ABCC8: variants seen among roughly 807,000 people sequenced by gnomAD.
ABCC8 encodes the protein ATP-binding cassette sub-family C member 8.
Under a neutral mutation model 188.0 loss-of-function variants are expected in ABCC8, and 137 were observed. The observed-to-expected ratio is 0.73, with a 90% CI of 0.63 to 0.84. The LOEUF (loss-of-function observed/expected upper bound fraction) is 0.84, where lower values mean the gene tolerates loss of function less well. ABCC8 is among the 40% of genes least tolerant of loss of function. ABCC8 has a pLI of 0.00. For missense variants in ABCC8, 1,750 were observed against 2,072.7 expected, an observed-to-expected ratio of 0.84 and a Z score of 3.02; for synonymous variants, 797 against 846.5, an observed-to-expected ratio of 0.94 and a Z score of 1.01.
intron 8 of ABCC8, among the ~76,000 whole-genome samples, chr11:17,445,700 A>G (rs1591839303): frequency 1.3e-5 from 2 of 152,318 alleles, no homozygotes; most frequent in African/African-American, 4.8e-5. Context: ...GGTCAAATCT[A>G]TAAGTGGTAA....
intron 1 of ABCC8, among the ~76,000 whole-genome samples, chr11:17,475,941 C>T (rs965612514): frequency 3.3e-5 from 5 of 152,200 alleles, no homozygotes; most frequent in Admixed American, 1.3e-4. Flanking sequence ...GGCCGTGGCG[C>T]CCAACTTTGC....
chr11:17,397,543 T>C (rs1954004123), intron 31 of ABCC8, 141 bp downstream of exon 31: 2 of 1,429,554 alleles, frequency 1.4e-6, no homozygotes, highest in Non-Finnish European at 1.9e-6. Flanking sequence ...TGGTCAGCCT[T>C]CCTGCCCGCA....
Position 17,475,143 on chromosome 11 carries a change from A to G in ABCC8, c.149-116T>C, listed in dbSNP as rs1422238721. Reference sequence around the variant, plus strand: ...TCCATGGTGAGGGTGACACCTACACATGAGGATCCCCAAGGCTGGTACACA... The same window carrying G: ...TCCATGGTGAGGGTGACACCTACACGTGAGGATCCCCAAGGCTGGTACACA... On this transcript the variant is annotated intron_variant, in intron 1 of 38. Transcript: ENST00000389817. The G allele has an allele frequency of 8.1e-6, 12 of 1,472,694 alleles. No homozygotes were observed. In the East Asian group the frequency reaches 1.7e-4, roughly 21 times the overall value. 91.2% of individuals were successfully genotyped at this position (1,472,694 alleles called of 1,614,324 possible).
chr11:17,468,874 C>T (rs959013702), intron 3 of ABCC8, among the ~76,000 whole-genome samples: 10 of 152,180 alleles, frequency 6.6e-5, no homozygotes, highest in Admixed American at 6.5e-5. Context: ...TAAACACCAA[C>T]CATCATCCTG....
chr11:17,405,480 A>C lies in ABCC8; in HGVS notation c.3399+14T>G, dbSNP rs1482853092. 6.2e-7 allele frequency: 1 copy of C among 1,614,194 alleles called. No homozygotes were observed. On this transcript the variant is annotated intron_variant, in intron 27 of 38. Coordinates refer to ENST00000389817, the MANE Select transcript of ABCC8 (RefSeq NM_000352.6). ...TCTCTGGAAGGGGGGATAGTGTGGC[A>C]CGGTCCTCTGTACCTGGTCGATGGT... is the stretch of plus-strand genomic sequence containing the variant.
chr11:17,439,133 C>A (rs1956216259), intron 10 of ABCC8, among the ~76,000 whole-genome samples: 1 of 152,090 alleles, frequency 6.6e-6, no homozygotes, highest in Admixed American at 6.5e-5. Flanking sequence ...GCTCACTCAA[C>A]ATCCACTGAG....
At chr11:17,422,658 C>T (rs922419674) in intron 16 of ABCC8, among the ~76,000 whole-genome samples, 1 of 152,130 alleles carries the variant, frequency 6.6e-6, no homozygotes, top group Non-Finnish European at 1.5e-5. Context: ...CTAATACCTC[C>T]CTTCCTACAG....
chr11:17,417,050 T>A, intron 16 of ABCC8, 88 bp from the exon 17 acceptor site: 2 of 1,594,394 alleles, frequency 1.3e-6, no homozygotes, highest in South Asian at 2.3e-5. Flanking sequence ...GGAGAAGCAA[T>A]CCCCACCTCC....
chr11:17,468,437 C>T (rs574815333), intron 3 of ABCC8, among the ~76,000 whole-genome samples: 1 of 152,182 alleles, frequency 6.6e-6, no homozygotes, highest in Non-Finnish European at 1.5e-5. Flanking sequence ...GGCAGACCTG[C>T]GGATTGATAC....
At chr11:17,410,386 C>G (rs1330635551) in intron 22 of ABCC8, 130 bp downstream of exon 22, 2 of 1,046,290 alleles carry the variant, frequency 1.9e-6, no homozygotes, top group East Asian at 2.5e-5. Context: ...ATAAAGCCAT[C>G]CAGTGCTGGT....
chr11:17,409,244 AC>A (rs577784467), intron 22 of ABCC8, among the ~76,000 whole-genome samples: 16 of 151,796 alleles, frequency 1.1e-4, no homozygotes, highest in Non-Finnish European at 1.8e-4. Context: ...GGCATTAGCC[AC>A]CGCGCCCGGC....
At chr11:17,444,635 G>A (rs1423717597) in intron 8 of ABCC8, among the ~76,000 whole-genome samples, 1 of 152,218 alleles carries the variant, frequency 6.6e-6, no homozygotes, top group Non-Finnish European at 1.5e-5. Context: ...TGGCCCTCAT[G>A]CAGAAGAAAT....
At chr11:17,475,244 G>A (rs1363940104) in intron 1 of ABCC8, among the ~76,000 whole-genome samples, 1 of 152,184 alleles carries the variant, frequency 6.6e-6, no homozygotes, top group Non-Finnish European at 1.5e-5. Context: ...CTGAGACAGG[G>A]TCTTGCTCTG....
chr11:17,437,633 T>C (rs1329794003), intron 10 of ABCC8, among the ~76,000 whole-genome samples: 2 of 152,218 alleles, frequency 1.3e-5, no homozygotes, highest in Non-Finnish European at 2.9e-5. Context: ...TGGTGTCAGT[T>C]GCTGGCAGCT....
intron 16 of ABCC8, among the ~76,000 whole-genome samples, chr11:17,420,514 A>T (rs939341085): frequency 3.3e-5 from 5 of 152,136 alleles, no homozygotes; most frequent in Non-Finnish European, 7.4e-5. Flanking sequence ...CCCTGACTTC[A>T]GCTCCCCAAA....
intron 16 of ABCC8, among the ~76,000 whole-genome samples, chr11:17,420,604 C>A (rs554357733): frequency 2.6e-5 from 4 of 152,274 alleles, no homozygotes; most frequent in African/African-American, 9.6e-5. Flanking sequence ...GGAATCAGGG[C>A]TCTTGGCAGG....
intron 16 of ABCC8, among the ~76,000 whole-genome samples, chr11:17,425,254 CA>C (rs143880387): frequency 0.011 from 1,665 of 152,286 alleles, 16 homozygotes; most frequent in Middle Eastern, 0.037. Context: ...ATGGGAAACC[CA>C]AGGGGCTCAT....
intron 8 of ABCC8, among the ~76,000 whole-genome samples, chr11:17,446,886 T>C (rs528877000): frequency 7.9e-5 from 12 of 152,280 alleles, no homozygotes; most frequent in Admixed American, 7.2e-4. Context: ...GATGAAGGTT[T>C]ATGGAATCTT....
At chr11:17,470,683 G>A (rs1221827343) in intron 2 of ABCC8, among the ~76,000 whole-genome samples, 4 of 152,328 alleles carry the variant, frequency 2.6e-5, no homozygotes, top group Admixed American at 1.3e-4. Flanking sequence ...AAACCCCATC[G>A]AGTGGGTACT....
Sources: allele counts gnomAD v4.1 joint callset (sites outside exome capture counted in the v4.1 genomes callset), GRCh38; gene constraint gnomAD v4.1.1; transcripts MANE v1.5; gene names NCBI Gene and HGNC (gene_info 2026-07-23, HGNC 2026-07-21).